PCDHA4: variants seen among roughly 807,000 people sequenced by gnomAD.
PCDHA4 encodes the protein protocadherin alpha-4.
A neutral mutation model predicts 61.4 loss-of-function variants in PCDHA4; 49 were observed. That is an observed-to-expected ratio of 0.80 (90% CI 0.63 to 1.01). PCDHA4 has a LOEUF of 1.01. Among genes scored for constraint, PCDHA4 ranks in the 50% least tolerant of loss-of-function variants. PCDHA4 has a pLI of 0.00. For missense variants in PCDHA4, 1,254 were observed against 1,235.8 expected (o/e 1.01, Z -0.22); for synonymous variants, 590 against 550.3 (o/e 1.07, Z -1.01).
At chr5:140,927,166 G>A in intron 1 of PCDHA4, 1 of 1,614,188 alleles carries the variant, frequency 6.2e-7, no homozygotes. Context: ...GGCCAAAGCT[G>A]CCTGCGTCTT....
intron 1 of PCDHA4, among the ~76,000 whole-genome samples, chr5:140,847,260 T>G (rs1285482056): frequency 6.7e-6 from 1 of 149,726 alleles, no homozygotes; most frequent in Non-Finnish European, 1.5e-5. Context: ...TCACGACTTT[T>G]GAAAGAAGGT....
chr5:140,868,571 A>G (rs1326549440), intron 1 of PCDHA4: 1 of 152,948 alleles, frequency 6.5e-6, no homozygotes, highest in Non-Finnish European at 1.5e-5. Context: ...GAGGAACAAC[A>G]CTTTCAGGAA....
At chr5:140,883,705 T>G (rs251380) in intron 1 of PCDHA4, 1,065,865 of 1,613,504 alleles carry the variant, frequency 0.66, 353,266 homozygotes, top group Middle Eastern at 0.71. Flanking sequence ...CGGTGTCTGC[T>G]CAGGACGCGG....
chr5:141,007,200 G>T (rs1437076735), intron 3 of PCDHA4, among the ~76,000 whole-genome samples: 2 of 152,010 alleles, frequency 1.3e-5, no homozygotes, highest in Admixed American at 6.6e-5. Context: ...GATGGTGGGG[G>T]CCAGAATATG....
In PCDHA4 at chr5:140,857,043, A is replaced by T. The variant is rs201811819; in HGVS notation, c.2385+47471A>T. Reference sequence around the variant, plus strand: ...AAGGGAAACCCACCTATGGTTGGTCACTGCACGGTCCTAGTGGAACTACTG... The same window carrying T: ...AAGGGAAACCCACCTATGGTTGGTCTCTGCACGGTCCTAGTGGAACTACTG... On this transcript the variant is annotated intron_variant, in intron 1 of 3. Transcript: ENST00000530339. 81 of 1,595,818 alleles carry T rather than the reference A, an allele frequency of 5.1e-5. 4 individuals carry two copies. The highest frequency in any genetic ancestry group is 1.5e-5 in the Non-Finnish European group (18 of 1,165,582).
chr5:140,895,428 C>A (rs2065003978), intron 1 of PCDHA4, among the ~76,000 whole-genome samples: 1 of 152,154 alleles, frequency 6.6e-6, no homozygotes, highest in Non-Finnish European at 1.5e-5. Flanking sequence ...TTTGCTTCCT[C>A]CTGAGACTCT....
Position 140,848,316 on chromosome 5 carries a change from G to T in PCDHA4, c.2385+38744G>T, listed in dbSNP as rs2150408504. 15 of 742,766 alleles carry T rather than the reference G, an allele frequency of 2.0e-5. 1 individual carries two copies. The highest frequency in any genetic ancestry group is 7.0e-5 in the African/African-American group (4 of 57,284). 46.0% of individuals were successfully genotyped at this position (742,766 alleles called of 1,614,324 possible). A position where few individuals can be genotyped will look rare whatever the true frequency, so the allele number is the denominator to read the frequency against. ...GCCACGTGATGTCACTCTTTGCCGC[G>T]ATGTTCTCTCTGAATCCAGACAAAT... On this transcript the variant is annotated intron_variant, in intron 1 of 3. Transcript: ENST00000530339.
In PCDHA4 at chr5:140,968,743, C is replaced by G. The variant is rs112674082; in HGVS notation, c.2386-10206C>G. Reference sequence around the variant, plus strand: ...AGAGTGGTAGCACTTTCAACCTGACCGTGGTGGTCCGAGATAATGGAGAGC... The same window carrying G: ...AGAGTGGTAGCACTTTCAACCTGACGGTGGTGGTCCGAGATAATGGAGAGC... On this transcript the variant is annotated intron_variant, in intron 1 of 3. Transcript: ENST00000530339. 10 of 1,614,060 alleles carry G rather than the reference C, an allele frequency of 6.2e-6. No homozygotes were observed. The South Asian group carries it at 9.9e-5, about 16-fold the overall frequency.
chr5:140,923,133 G>T (rs1177084353), intron 1 of PCDHA4, among the ~76,000 whole-genome samples: 3 of 152,082 alleles, frequency 2.0e-5, no homozygotes, highest in African/African-American at 7.2e-5. Context: ...ACACTTTGAA[G>T]GTGGAATATA....
chr5:141,000,223 G>C (rs1190945878), intron 3 of PCDHA4, among the ~76,000 whole-genome samples: 1 of 151,642 alleles, frequency 6.6e-6, no homozygotes, highest in African/African-American at 2.4e-5. Context: ...AAATGCCTGT[G>C]TGGAGCTGAA....
intron 1 of PCDHA4, among the ~76,000 whole-genome samples, chr5:140,879,010 G>C (rs2057809352): frequency 6.6e-6 from 1 of 152,200 alleles, no homozygotes; most frequent in Non-Finnish European, 1.5e-5. Context: ...CTAGAAATCA[G>C]ATAATGTTTT....
chr5:140,851,595 G>C (rs1470017891), intron 1 of PCDHA4: 1 of 919,210 alleles, frequency 1.1e-6, no homozygotes, highest in South Asian at 5.0e-5. Context: ...TTGAAATTCA[G>C]TTTACAGAAA....
intron 1 of PCDHA4, chr5:140,821,431 T>C (rs1300561575): frequency 1.5e-5 from 3 of 193,748 alleles, no homozygotes; most frequent in African/African-American, 2.3e-5. Context: ...ATATTTTGAC[T>C]AGAGATAAGT....
intron 3 of PCDHA4, among the ~76,000 whole-genome samples, chr5:141,004,044 T>G (rs2098148933): frequency 6.6e-6 from 1 of 152,234 alleles, no homozygotes; most frequent in African/African-American, 2.4e-5. Context: ...ATTGATCATT[T>G]GCTGATACTG....
rs1305533270 is a variant in PCDHA4, at chr5:141,000,401, A to C, written c.2534-9226A>C. Among the ~76,000 whole-genome samples the C allele has an allele frequency of 8.1e-3, 613 of 75,996 alleles. 4 individuals are homozygous for C. The highest frequency in any genetic ancestry group is 0.017 in the East Asian group (44 of 2,548). The allele number at this position is 75,996 out of a possible 152,430, so 49.9% of individuals were successfully genotyped here. A position where few individuals can be genotyped will look rare whatever the true frequency, so the allele number is the denominator to read the frequency against. On this transcript the variant is annotated intron_variant, in intron 3 of 3. Transcript: ENST00000530339. Reference sequence around the variant, plus strand: ...TCTCTCTCTCTCTCTCTCTCTATATATATATATATATATATATATATTTTT... The same window carrying C: ...TCTCTCTCTCTCTCTCTCTCTATATCTATATATATATATATATATATTTTT...
intron 1 of PCDHA4, chr5:140,966,627 C>G: frequency 6.3e-6 from 6 of 951,596 alleles, no homozygotes; most frequent in Non-Finnish European, 8.6e-6. Flanking sequence ...AGGGAGCGGC[C>G]CCAGGCGCTT....
chr5:140,856,786 T>C (rs1304575446), intron 1 of PCDHA4: 4 of 1,596,308 alleles, frequency 2.5e-6, no homozygotes, highest in East Asian at 4.5e-5. Context: ...GACCGGTTTA[T>C]GAAGTTAAGA....
At chr5:140,818,362 T>C (rs182657876) in intron 1 of PCDHA4, among the ~76,000 whole-genome samples, 93 of 152,386 alleles carry the variant, frequency 6.1e-4, no homozygotes, top group Non-Finnish European at 1.1e-3. Context: ...ATTGATTGAA[T>C]TCTTAACTTG....
chr5:140,841,872 CA>C, intron 1 of PCDHA4: 1 of 1,613,796 alleles, frequency 6.2e-7, no homozygotes, highest in Non-Finnish European at 8.5e-7. Context: ...GATGTGAATT[CA>C]AAGAACGATG....
Sources: gnomAD v4.1 joint callset for allele counts (sites outside exome capture counted in the v4.1 genomes callset) on GRCh38, gnomAD v4.1.1 for gene constraint, MANE v1.5 for transcripts, NCBI Gene and HGNC (gene_info 2026-07-23, HGNC 2026-07-21) for gene names.